The following TSN variants were observed in gnomAD, a reference collection of about 807,000 sequenced individuals.
TSN encodes the protein translin.
A neutral mutation model predicts 29.4 loss-of-function variants in TSN; 5 were observed. The ratio of observed to expected loss-of-function variants is 0.17; its 90% CI spans 0.09 to 0.36. The LOEUF (loss-of-function observed/expected upper bound fraction) is 0.36. Ranked by LOEUF, TSN falls within the 10% of genes least tolerant of loss-of-function variation. TSN has a pLI of 1.00. For missense variants in TSN, 159 were observed against 272.8 expected, an observed-to-expected ratio of 0.58 and a Z score of 2.94; for synonymous variants, 106 against 102.2, an observed-to-expected ratio of 1.04 and a Z score of -0.23.
In TSN at chr2:121,755,790, G is replaced by A; in HGVS notation, c.11G>A (p.Ser4Asn). 1 of 1,614,008 alleles carries A rather than the reference G, an allele frequency of 6.2e-7. No individual in the cohort carries two copies. The highest frequency in any genetic ancestry group is 8.5e-7 in the Non-Finnish European group (1 of 1,180,036). Reference sequence around the variant, plus strand: ...TGTGCAGCCGGCGCCATGTCTGTGAGCGAGATCTTCGTGGAGCTGCAGGGC... The same window carrying A: ...TGTGCAGCCGGCGCCATGTCTGTGAACGAGATCTTCGTGGAGCTGCAGGGC... Reference protein sequence around the residue: MSVSEIFVELQGFL... With the variant: MSVNEIFVELQGFL... Residue 4 changes from serine to asparagine, a missense_variant, in exon 1 of 6, where the codon AGC becomes AAC. By Grantham distance (46) the Ser-to-Asn change is conservative. Around this residue, in one of 3 missense-constraint regions of TSN, gnomAD observed 43 missense variants for 68.6 expected, o/e 0.63. Coordinates refer to ENST00000389682, the MANE Select transcript of TSN (RefSeq NM_004622.3).
chr2:121,765,183 T>C lies in TSN; in HGVS notation c.503T>C (p.Leu168Pro). The change falls in exon 6 of 6, where the codon CTC (leucine) becomes CCC (proline). Residue 168 changes from leucine to proline, a missense_variant. Leu to Pro is a moderately conservative substitution (Grantham distance 98, BLOSUM62 -3). Coordinates refer to ENST00000389682, the MANE Select transcript of TSN (RefSeq NM_004622.3). ...ACTGCTGGAGACTACTCCCGACCCC[T>C]CCACATCTCCACCTTCATCAATGAG... ...SVTAGDYSRP[L>P]HISTFINELD... 6.2e-7 allele frequency: 1 copy of C among 1,614,184 alleles called. No individual in the cohort carries two copies. The highest frequency in any genetic ancestry group is 8.5e-7 in the Non-Finnish European group (1 of 1,180,028).
At position 121,767,702 on chromosome 2, in the gene TSN, T is replaced by C. The variant is rs1030562369; in HGVS notation, c.*2335T>C. On this transcript the variant is annotated 3_prime_UTR_variant, in exon 6 of 6. Transcript: ENST00000389682. ...CTTGAATAATAGTATGAGTAATGCT[T>C]AAGGGAGTTTAATAGAGAAGGAAAG... is the stretch of plus-strand genomic sequence containing the variant. 1 of 152,114 alleles carries C rather than the reference T, an allele frequency of 6.6e-6. No homozygotes were observed. The highest frequency in any genetic ancestry group is 1.5e-5 in the Non-Finnish European group (1 of 68,040). 9.4% of individuals were successfully genotyped at this position (152,114 alleles called of 1,614,324 possible).
At position 121,766,602 on chromosome 2, in the gene TSN, ACACGCC is replaced by A. The variant is rs2074905255; in HGVS notation, c.*1237_*1242del. On this transcript the variant is annotated 3_prime_UTR_variant, in exon 6 of 6. Coordinates refer to ENST00000389682, the MANE Select transcript of TSN (RefSeq NM_004622.3). ...GTAAATACTGTTGGTGGTCTTCCCCACACGCCCCAATTTTCAGGTAGTACTAAGAGT... is the reference window on the plus strand; with the variant it reads ...GTAAATACTGTTGGTGGTCTTCCCCACCAATTTTCAGGTAGTACTAAGAGT... 1 of 152,190 alleles carries A rather than the reference ACACGCC, an allele frequency of 6.6e-6. No homozygotes were observed. The highest frequency in any genetic ancestry group is 6.5e-5 in the Admixed American group (1 of 15,270). The allele number at this position is 152,190 out of a possible 1,614,324, so 9.4% of individuals were successfully genotyped here. A position where few individuals can be genotyped will look rare whatever the true frequency, so the allele number is the denominator to read the frequency against.
Position 121,765,263 on chromosome 2 carries a change from T to C in TSN, c.583T>C (p.Tyr195His). Residue 195 changes from tyrosine (Y) to histidine (H), a missense_variant, in exon 6 of 6, where the codon TAC becomes CAC. Physicochemically the swap from Tyr to His is moderately conservative, Grantham distance 83. Coordinates refer to ENST00000389682, the MANE Select transcript of TSN (RefSeq NM_004622.3). Reference protein sequence around the residue: ...NLKNDSLRKRYDGLKYDVKKV... With the variant: ...NLKNDSLRKRHDGLKYDVKKV... ...GAAAAATGACTCCCTGAGGAAGCGC[T>C]ACGACGGATTGAAATATGACGTGAA... The C allele has an allele frequency of 6.2e-7, 1 of 1,614,228 alleles. No individual in the cohort carries two copies. The highest frequency in any genetic ancestry group is 8.5e-7 in the Non-Finnish European group (1 of 1,180,046).
In TSN at chr2:121,765,434, C is replaced by T; in HGVS notation, c.*67C>T. On this transcript the variant is annotated 3_prime_UTR_variant, in exon 6 of 6. Transcript: ENST00000389682. ...CCAGGAAGGGGTGAGCACAGAGTGC[C>T]TCTTACGGTAGTTAGGATGCTCAGT... is the stretch of plus-strand genomic sequence containing the variant. The T allele has an allele frequency of 7.0e-7, 1 of 1,433,710 alleles. No individual in the cohort carries two copies. The highest frequency in any genetic ancestry group is 1.4e-5 in the African/African-American group (1 of 70,874). 88.8% of individuals were successfully genotyped at this position (1,433,710 alleles called of 1,614,324 possible). A position where few individuals can be genotyped will look rare whatever the true frequency, so the allele number is the denominator to read the frequency against.
intron 4 of TSN, 98 bp from the exon 5 acceptor site, chr2:121,762,907 C>A: frequency 9.0e-7 from 1 of 1,115,902 alleles, no homozygotes; most frequent in Non-Finnish European, 1.2e-6. Context: ...AAGATTCATC[C>A]TTTCTTCACT....
chr2:121,766,619 G>A lies in TSN; in HGVS notation c.*1252G>A, dbSNP rs749215226. On this transcript the variant is annotated 3_prime_UTR_variant, in exon 6 of 6. Transcript: ENST00000389682. ...TCTTCCCCACACGCCCCAATTTTCAGGTAGTACTAAGAGTATGTGCCAGGA... is the reference window on the plus strand; with the variant it reads ...TCTTCCCCACACGCCCCAATTTTCAAGTAGTACTAAGAGTATGTGCCAGGA... 8 of 152,168 alleles carry A rather than the reference G, an allele frequency of 5.3e-5. No homozygotes were observed. Among genetic ancestry groups the A allele is most frequent in the Non-Finnish European group, 1.2e-4 (8 of 68,036 alleles). 9.4% of individuals were successfully genotyped at this position (152,168 alleles called of 1,614,324 possible). A position where few individuals can be genotyped will look rare whatever the true frequency, so the allele number is the denominator to read the frequency against.
At position 121,755,763 on chromosome 2, in the gene TSN, G is replaced by A. The variant is rs1167329267; in HGVS notation, c.-17G>A. Reference sequence around the variant, plus strand: ...GCCGCCCTTGCTACACTGGCTGATTGTTGTGCAGCCGGCGCCATGTCTGTG... The same window carrying A: ...GCCGCCCTTGCTACACTGGCTGATTATTGTGCAGCCGGCGCCATGTCTGTG... On this transcript the variant is annotated 5_prime_UTR_variant, in exon 1 of 6. Coordinates refer to ENST00000389682, the MANE Select transcript of TSN (RefSeq NM_004622.3). 3.1e-6 allele frequency: 5 copies of A among 1,613,138 alleles called. No homozygotes were observed. The highest frequency in any genetic ancestry group is 4.2e-6 in the Non-Finnish European group (5 of 1,180,040).
intron 4 of TSN, among the ~76,000 whole-genome samples, chr2:121,762,464 C>T (rs372956818): frequency 6.6e-6 from 1 of 152,276 alleles, no homozygotes; most frequent in African/African-American, 2.4e-5. Flanking sequence ...TTGGTTAGCG[C>T]AGAGGGCCGA....
chr2:121,761,630 A>T, intron 4 of TSN, 106 bp downstream of exon 4: 1 of 843,998 alleles, frequency 1.2e-6, no homozygotes, highest in Non-Finnish European at 2.0e-6. Flanking sequence ...GAATTAACTA[A>T]AAACCACTTA....
chr2:121,761,999 T>C (rs1301713728), intron 4 of TSN, among the ~76,000 whole-genome samples: 1 of 151,050 alleles, frequency 6.6e-6, no homozygotes, highest in Non-Finnish European at 1.5e-5. Context: ...TTGTATTTTT[T>C]TTTTTTTTCC....
intron 5 of TSN, among the ~76,000 whole-genome samples, chr2:121,764,276 G>T (rs766131382): frequency 2.6e-5 from 4 of 152,120 alleles, no homozygotes; most frequent in Non-Finnish European, 5.9e-5. Context: ...GAAGCATCTT[G>T]TTAGTATTAG....
At chr2:121,758,497 T>G (rs2074779219) in intron 2 of TSN, among the ~76,000 whole-genome samples, 1 of 152,234 alleles carries the variant, frequency 6.6e-6, no homozygotes, top group South Asian at 2.1e-4. Flanking sequence ...TCCTAATATA[T>G]TCCCTTTTAG....
chr2:121,764,279 A>G (rs1357337863), intron 5 of TSN, among the ~76,000 whole-genome samples: 1 of 152,050 alleles, frequency 6.6e-6, no homozygotes, highest in Non-Finnish European at 1.5e-5. Flanking sequence ...GCATCTTGTT[A>G]GTATTAGTTA....
chr2:121,760,544 A>G (rs1281164063), intron 3 of TSN, among the ~76,000 whole-genome samples: 3 of 152,122 alleles, frequency 2.0e-5, no homozygotes, highest in East Asian at 3.9e-4. Flanking sequence ...TTTTGAATGT[A>G]TTGCCACATT....
chr2:121,760,318 C>G (rs994266676), intron 3 of TSN, among the ~76,000 whole-genome samples: 5 of 152,310 alleles, frequency 3.3e-5, no homozygotes, highest in African/African-American at 7.2e-5. Flanking sequence ...CATCCGCCCC[C>G]CTTCTGTGGA....
intron 1 of TSN, chr2:121,756,376 G>T: frequency 4.2e-6 from 1 of 235,934 alleles, no homozygotes; most frequent in South Asian, 4.3e-5. Flanking sequence ...CTTCTTTCCC[G>T]TTCTTTTCCT....
intron 1 of TSN, among the ~76,000 whole-genome samples, chr2:121,757,008 A>T (rs2074759709): frequency 1.3e-5 from 2 of 152,244 alleles, no homozygotes; most frequent in South Asian, 4.1e-4. Context: ...GTCATCCATT[A>T]TAATGTCCCA....
intron 3 of TSN, among the ~76,000 whole-genome samples, chr2:121,760,465 C>G (rs905714640): frequency 6.6e-6 from 1 of 152,196 alleles, no homozygotes; most frequent in Non-Finnish European, 1.5e-5. Context: ...AGGTCACACA[C>G]AGGCTGCCCT....
Sources: gnomAD v4.1 joint callset for allele counts (sites outside exome capture counted in the v4.1 genomes callset) on GRCh38, gnomAD v4.1.1 for gene constraint, gnomAD v4.1.1 regional missense constraint, MANE v1.5 for transcripts, NCBI Gene and HGNC (gene_info 2026-07-23, HGNC 2026-07-21) for gene names.